TAFA5: variants seen among roughly 807,000 people sequenced by gnomAD.
TAFA5 encodes the protein chemokine-like protein TAFA-5.
TAFA5 carries 6 observed loss-of-function variants against 15.3 expected under a neutral mutation model. That is an observed-to-expected ratio of 0.39 (90% CI 0.21 to 0.77). TAFA5 has a LOEUF of 0.77. Ranked by LOEUF, TAFA5 falls within the 30% of genes least tolerant of loss-of-function variation. The pLI is 0.41. For missense variants in TAFA5, 161 were observed against 193.1 expected (o/e 0.83, Z 0.98); for synonymous variants, 103 against 80.7 (o/e 1.28, Z -1.48).
Position 48,560,359 on chromosome 22 carries a change from C to A in TAFA5, c.112+70655C>A, listed in dbSNP as rs1048858744. Among the ~76,000 whole-genome samples the A allele has an allele frequency of 2.6e-5, 4 of 152,128 alleles. No homozygotes were observed. The highest frequency in any genetic ancestry group is 1.3e-4 in the Admixed American group (2 of 15,288). Reference sequence around the variant, plus strand: ...CATATGGCCCCAGCAGGCCCCCCAGCATTTCCATTCTCGGCCTCCAATCCC... The same window carrying A: ...CATATGGCCCCAGCAGGCCCCCCAGAATTTCCATTCTCGGCCTCCAATCCC... On this transcript the variant is annotated intron_variant, in intron 1 of 3. Transcript: ENST00000402357. The surrounding 1 kb of genome is among the most constrained non-coding windows in gnomAD (Gnocchi z 4.2).
chr22:48,569,314 A>G, intron 1 of TAFA5, among the ~76,000 whole-genome samples: 1 of 152,258 alleles, frequency 6.6e-6, no homozygotes, highest in East Asian at 1.9e-4. Flanking sequence ...TGGAAACTGA[A>G]AAACCTGGCC....
intron 1 of TAFA5, among the ~76,000 whole-genome samples, chr22:48,618,237 A>G (rs1925683127): frequency 6.6e-6 from 1 of 152,174 alleles, no homozygotes; most frequent in Admixed American, 6.5e-5. Context: ...CCAGTCCCCC[A>G]CAGGCTTAGC....
chr22:48,580,941 T>G (rs1256887593), intron 1 of TAFA5, among the ~76,000 whole-genome samples: 1 of 144,798 alleles, frequency 6.9e-6, no homozygotes, highest in Non-Finnish European at 1.5e-5. Context: ...GGCATCGCAG[T>G]GCCAGCCCCA....
intron 1 of TAFA5, among the ~76,000 whole-genome samples, chr22:48,605,947 C>A (rs1177979688): frequency 6.6e-6 from 1 of 152,186 alleles, no homozygotes; most frequent in Admixed American, 6.5e-5. Context: ...AGGGAAGGGC[C>A]TGCCCCATGG....
At chr22:48,532,106 AC>A (rs1435137848) in intron 1 of TAFA5, among the ~76,000 whole-genome samples, 18 of 152,066 alleles carry the variant, frequency 1.2e-4, no homozygotes, top group Non-Finnish European at 4.4e-5. Flanking sequence ...CGGACGAGGA[AC>A]CCCTTGGTGC....
At chr22:48,568,402 C>T (rs1923476205) in intron 1 of TAFA5, among the ~76,000 whole-genome samples, 1 of 152,222 alleles carries the variant, frequency 6.6e-6, no homozygotes. Context: ...GCCAGCCCTG[C>T]TGGGGCATCT....
At chr22:48,506,142 C>T (rs904715806) in intron 1 of TAFA5, among the ~76,000 whole-genome samples, 1 of 152,190 alleles carries the variant, frequency 6.6e-6, no homozygotes, top group Non-Finnish European at 1.5e-5. Flanking sequence ...AGCATGTGCC[C>T]CTGGGCTGCT....
intron 3 of TAFA5, among the ~76,000 whole-genome samples, chr22:48,722,697 G>C (rs1929605604): frequency 6.6e-6 from 1 of 152,194 alleles, no homozygotes; most frequent in South Asian, 2.1e-4. Flanking sequence ...AGAACTTAAA[G>C]TATATAAAAA....
chr22:48,607,879 C>T (rs73889156), intron 1 of TAFA5, among the ~76,000 whole-genome samples: 19,442 of 152,092 alleles, frequency 0.13, 1,349 homozygotes, highest in African/African-American at 0.17. Context: ...TTCTGACCAC[C>T]CTGGGGGTCC....
At chr22:48,739,938 C>A (rs1344344498) in intron 3 of TAFA5, among the ~76,000 whole-genome samples, 2 of 152,212 alleles carry the variant, frequency 1.3e-5, no homozygotes. Context: ...AGCAGAAGCT[C>A]TGGGGGCCCT....
At chr22:48,644,009 G>A (rs538012769) in intron 1 of TAFA5, among the ~76,000 whole-genome samples, 1 of 152,232 alleles carries the variant, frequency 6.6e-6, no homozygotes, top group Non-Finnish European at 1.5e-5. Flanking sequence ...CCGTCCAGAT[G>A]CGTGTTGCCC....
At chr22:48,544,652 G>C (rs1217616453) in intron 1 of TAFA5, 4 of 469,844 alleles carry the variant, frequency 8.5e-6, no homozygotes, top group African/African-American at 8.0e-5. Context: ...CTTAAGGCCT[G>C]ATGTGCACTA....
intron 2 of TAFA5, among the ~76,000 whole-genome samples, chr22:48,655,979 C>T (rs1321195205): frequency 1.3e-5 from 2 of 151,200 alleles, no homozygotes; most frequent in South Asian, 2.1e-4. Flanking sequence ...GCAGGGATTA[C>T]AGGCGCCTGC....
intron 1 of TAFA5, among the ~76,000 whole-genome samples, chr22:48,534,345 G>A (rs1040575612): frequency 6.6e-6 from 1 of 152,124 alleles, no homozygotes; most frequent in Non-Finnish European, 1.5e-5. Flanking sequence ...GAGGGGCCAG[G>A]CAGTTGAAGT....
At chr22:48,749,337 C>CT (rs1269443262) in intron 3 of TAFA5, among the ~76,000 whole-genome samples, 1 of 152,186 alleles carries the variant, frequency 6.6e-6, no homozygotes, top group African/African-American at 2.4e-5. Context: ...GCACACAGAC[C>CT]TGTAGAGGCC....
At chr22:48,538,959 T>A (rs73173403) in intron 1 of TAFA5, 1,963 of 180,194 alleles carry the variant, frequency 0.011, 27 homozygotes, top group Non-Finnish European at 0.016. Flanking sequence ...AAGTGTGCAA[T>A]AGACTTAACA....
intron 3 of TAFA5, among the ~76,000 whole-genome samples, chr22:48,738,919 A>C (rs555452642): frequency 4.6e-5 from 7 of 152,294 alleles, no homozygotes; most frequent in African/African-American, 1.4e-4. Flanking sequence ...ATGCATTGTC[A>C]CCGGCTCCTC....
chr22:48,558,714 C>A (rs1256286778), intron 1 of TAFA5, among the ~76,000 whole-genome samples: 1 of 152,188 alleles, frequency 6.6e-6, no homozygotes, highest in Non-Finnish European at 1.5e-5. Context: ...TGTAGACCAG[C>A]GAGGTCCAGT....
At chr22:48,700,591 T>C (rs1347504778) in intron 2 of TAFA5, among the ~76,000 whole-genome samples, 1 of 151,818 alleles carries the variant, frequency 6.6e-6, no homozygotes, top group Non-Finnish European at 1.5e-5. Context: ...CCCTCGGGAG[T>C]GGGGGTGCCA....
Sources: gnomAD v4.1 joint callset for allele counts (sites outside exome capture counted in the v4.1 genomes callset) on GRCh38, gnomAD v4.1.1 for gene constraint, Gnocchi (gnomAD v3.1) non-coding constraint, MANE v1.5 for transcripts, NCBI Gene and HGNC (gene_info 2026-07-23, HGNC 2026-07-21) for gene names.